TRPC6: variants seen among roughly 807,000 people sequenced by gnomAD.
The protein encoded by TRPC6 is transient receptor potential cation channel subfamily C member 6, also known as short transient receptor potential channel 6.
In TRPC6, 55 loss-of-function variants were observed where a neutral mutation model predicts 90.7. The observed-to-expected ratio is 0.61, with a 90% confidence interval of 0.49 to 0.76. The LOEUF (loss-of-function observed/expected upper bound fraction) is 0.76. TRPC6 is among the 30% of genes least tolerant of loss of function. The pLI is 0.00. For missense variants in TRPC6, 989 were observed against 1,122.7 expected (o/e 0.88, Z 1.70); for synonymous variants, 393 against 393.0 (o/e 1.00, Z 0.00).
chr11:101,485,408 A>T (rs1251798955), intron 4 of TRPC6, among the ~76,000 whole-genome samples: 3 of 152,110 alleles, frequency 2.0e-5, no homozygotes, highest in Non-Finnish European at 4.4e-5. Context: ...TTTAAATATA[A>T]ATAGTTAAAA....
chr11:101,524,058 A>G (rs1860720228), intron 1 of TRPC6, among the ~76,000 whole-genome samples: 2 of 152,208 alleles, frequency 1.3e-5, no homozygotes, highest in Non-Finnish European at 1.5e-5. Context: ...TTACCCATAC[A>G]TACTCAGCTG....
At chr11:101,515,945 A>G (rs1860508130) in intron 1 of TRPC6, among the ~76,000 whole-genome samples, 1 of 152,150 alleles carries the variant, frequency 6.6e-6, no homozygotes, top group Non-Finnish European at 1.5e-5. Context: ...AAATAACTTT[A>G]TAGGTGTTAT....
intron 1 of TRPC6, among the ~76,000 whole-genome samples, chr11:101,561,833 A>G (rs917492236): frequency 6.6e-6 from 1 of 150,668 alleles, no homozygotes; most frequent in Admixed American, 6.6e-5. Context: ...AATAATATAT[A>G]TTAAATATAC....
intron 1 of TRPC6, among the ~76,000 whole-genome samples, chr11:101,578,189 A>G (rs1862113906): frequency 6.6e-6 from 1 of 152,204 alleles, no homozygotes; most frequent in Admixed American, 6.5e-5. Context: ...GTGTGAACAA[A>G]TAAATGTAAA....
At chr11:101,547,115 G>T (rs1041459332) in intron 1 of TRPC6, among the ~76,000 whole-genome samples, 1 of 152,112 alleles carries the variant, frequency 6.6e-6, no homozygotes, top group Non-Finnish European at 1.5e-5. Flanking sequence ...GTGGCATTTT[G>T]TTCCTTGATC....
intron 10 of TRPC6, among the ~76,000 whole-genome samples, chr11:101,456,710 C>G (rs955107604): frequency 2.6e-5 from 4 of 152,078 alleles, no homozygotes; most frequent in African/African-American, 9.7e-5. Context: ...ATCAAAGGCA[C>G]CAGATTAGGA....
intron 2 of TRPC6, among the ~76,000 whole-genome samples, chr11:101,503,798 A>G (rs537710270): frequency 1.1e-3 from 171 of 152,340 alleles, no homozygotes; most frequent in African/African-American, 3.8e-3. Flanking sequence ...ACGGATAAAG[A>G]TTAGATATAA....
chr11:101,468,270 G>A (rs939698198), intron 10 of TRPC6, among the ~76,000 whole-genome samples: 7 of 152,164 alleles, frequency 4.6e-5, no homozygotes, highest in African/African-American at 1.7e-4. Context: ...TAGGGCTAAT[G>A]GCTTAGGGTT....
intron 2 of TRPC6, among the ~76,000 whole-genome samples, chr11:101,501,267 T>TA (rs59511975): frequency 6.8e-6 from 1 of 147,264 alleles, no homozygotes. Context: ...AAAAAGATTT[T>TA]AAAAAAAAAG....
chr11:101,453,941 T>G (rs1485592703), intron 11 of TRPC6, among the ~76,000 whole-genome samples: 2 of 152,164 alleles, frequency 1.3e-5, no homozygotes, highest in African/African-American at 4.8e-5. Context: ...GACTCAAAAG[T>G]GAGTTCTTAG....
intron 4 of TRPC6, among the ~76,000 whole-genome samples, chr11:101,484,740 T>A (rs757915976): frequency 6.6e-6 from 1 of 151,920 alleles, no homozygotes; most frequent in African/African-American, 2.4e-5. Context: ...AATCATAATA[T>A]TTACATATAA....
intron 1 of TRPC6, among the ~76,000 whole-genome samples, chr11:101,567,628 T>C (rs913826775): frequency 7.2e-5 from 11 of 152,172 alleles, no homozygotes; most frequent in African/African-American, 2.4e-4. Context: ...CTGGCTGGCA[T>C]CTGGTGGGTG....
intron 1 of TRPC6, among the ~76,000 whole-genome samples, chr11:101,579,713 C>T (rs1290975914): frequency 1.3e-5 from 2 of 152,150 alleles, no homozygotes; most frequent in East Asian, 3.9e-4. Flanking sequence ...TTTCTTCTTA[C>T]TGTTAAAGTT....
chr11:101,477,707 A>T (rs141219371), intron 5 of TRPC6, among the ~76,000 whole-genome samples: 1 of 152,186 alleles, frequency 6.6e-6, no homozygotes, highest in Non-Finnish European at 1.5e-5. Flanking sequence ...AATGGGAATG[A>T]TATTGGTTCA....
intron 9 of TRPC6, among the ~76,000 whole-genome samples, chr11:101,469,742 G>C (rs1415396261): frequency 6.6e-6 from 1 of 152,092 alleles, no homozygotes; most frequent in Non-Finnish European, 1.5e-5. Flanking sequence ...ATAAAGGAAG[G>C]GAAATTTTTG....
intron 1 of TRPC6, among the ~76,000 whole-genome samples, chr11:101,515,667 C>A (rs1171809164): frequency 6.6e-6 from 1 of 152,138 alleles, no homozygotes. Context: ...TAGAATTTCA[C>A]AGTATTTTAA....
At chr11:101,550,456 T>G (rs1408591105) in intron 1 of TRPC6, among the ~76,000 whole-genome samples, 12 of 151,712 alleles carry the variant, frequency 7.9e-5, no homozygotes, top group Admixed American at 7.9e-4. Flanking sequence ...TTTTTCTTAA[T>G]TTTAATTTTA....
chr11:101,495,040 G>A (rs1410765054), intron 2 of TRPC6, among the ~76,000 whole-genome samples: 2 of 152,176 alleles, frequency 1.3e-5, no homozygotes, highest in African/African-American at 4.8e-5. Flanking sequence ...TTGGTTCCTT[G>A]AGAGGAAAAG....
rs767868348 is a variant in TRPC6, at chr11:101,475,210, T to C, written c.1744+1091A>G. ...GCCTGGTTGGGAAACAGTGGTGTTA[T>C]TGATTGGGGAACCTCTCAGAGATCC... On this transcript the variant is annotated intron_variant, in intron 6 of 12. Transcript: ENST00000344327. Among the ~76,000 whole-genome samples, 24 of 152,318 alleles carry C rather than the reference T, an allele frequency of 1.6e-4. 2 individuals carry two copies. Among genetic ancestry groups the C allele is most frequent in the Admixed American group, 1.2e-3 (19 of 15,294 alleles).
Sources: gnomAD v4.1 joint callset for allele counts (sites outside exome capture counted in the v4.1 genomes callset) on GRCh38, gnomAD v4.1.1 for gene constraint, MANE v1.5 for transcripts, NCBI Gene and HGNC (gene_info 2026-07-23, HGNC 2026-07-21) for gene names.